The following RYR3 variants were observed in gnomAD, a reference collection of about 807,000 sequenced individuals.
The protein encoded by RYR3 is brain ryanodine receptor-calcium release channel.
RYR3 carries 207 observed loss-of-function variants against 584.3 expected under a neutral mutation model. The observed-to-expected ratio is 0.35, with a 90% CI of 0.32 to 0.40. RYR3 has a LOEUF of 0.40. Among genes scored for constraint, RYR3 ranks in the 10% least tolerant of loss-of-function variants. The pLI is 1.00. For synonymous variants in RYR3, 2,416 were observed against 2,248.5 expected, an observed-to-expected ratio of 1.07 and a Z score of -2.11; for missense variants, 5,616 against 6,089.2, an observed-to-expected ratio of 0.92 and a Z score of 2.59.
chr15:33,645,783 C>T (rs546531135), intron 28 of RYR3, among the ~76,000 whole-genome samples: 1 of 151,914 alleles, frequency 6.6e-6, no homozygotes, highest in South Asian at 2.1e-4. Flanking sequence ...CTGCCCCCTG[C>T]AATGCTTGTG....
At chr15:33,727,094 C>T (rs994611104) in intron 46 of RYR3, among the ~76,000 whole-genome samples, 6 of 152,224 alleles carry the variant, frequency 3.9e-5, no homozygotes, top group Non-Finnish European at 8.8e-5. Flanking sequence ...TCGTTTTCCC[C>T]TGGGTCCCCC....
At chr15:33,827,794 C>A (rs2077456930) in intron 85 of RYR3, among the ~76,000 whole-genome samples, 1 of 152,188 alleles carries the variant, frequency 6.6e-6, no homozygotes, top group South Asian at 2.1e-4. Context: ...CTGGTTCTGC[C>A]ACTTACTGGT....
At chr15:33,743,636 C>T (rs1320063454) in intron 52 of RYR3, among the ~76,000 whole-genome samples, 3 of 152,158 alleles carry the variant, frequency 2.0e-5, no homozygotes, top group Non-Finnish European at 4.4e-5. Context: ...TCCAGGAGCC[C>T]ACAGCATTAG....
Position 33,778,657 on chromosome 15 carries a change from A to G in RYR3, c.9138-1554A>G, listed in dbSNP as rs533113854. Among the ~76,000 whole-genome samples, 183 of 152,330 alleles carry G rather than the reference A, an allele frequency of 1.2e-3. 1 individual carries two copies. Among genetic ancestry groups the G allele is most frequent in the African/African-American group, 4.3e-3 (177 of 41,564 alleles). ...GCTGCATTGTGAAAGCTTCGCCAAT[A>G]TCACCTGCGTCTCAGCAGTCTCCGT... On this transcript the variant is annotated intron_variant, in intron 64 of 103. Coordinates refer to ENST00000634891, the MANE Select transcript of RYR3 (RefSeq NM_001036.6).
At chr15:33,378,899 A>G (rs1208808503) in intron 1 of RYR3, among the ~76,000 whole-genome samples, 1 of 152,152 alleles carries the variant, frequency 6.6e-6, no homozygotes, top group African/African-American at 2.4e-5. Context: ...CAGAAGTTCA[A>G]CGTTAATATG....
chr15:33,486,074 G>T (rs186240842), intron 2 of RYR3, among the ~76,000 whole-genome samples: 30 of 152,198 alleles, frequency 2.0e-4, no homozygotes, highest in Middle Eastern at 3.4e-3. Flanking sequence ...ACCATGAGAG[G>T]GTGTGACTGA....
chr15:33,627,441 G>A (rs745872620), intron 20 of RYR3, among the ~76,000 whole-genome samples: 4 of 152,158 alleles, frequency 2.6e-5, no homozygotes, highest in Non-Finnish European at 4.4e-5. Context: ...CTAAATGCAG[G>A]AGGATAAACG....
intron 47 of RYR3, among the ~76,000 whole-genome samples, chr15:33,729,538 A>T (rs940498515): frequency 6.6e-6 from 1 of 152,156 alleles, no homozygotes; most frequent in African/African-American, 2.4e-5. Context: ...ACCAGGATGG[A>T]TAGGTCTGAA....
chr15:33,483,733 G>T (rs2050172527), intron 2 of RYR3, among the ~76,000 whole-genome samples: 1 of 152,166 alleles, frequency 6.6e-6, no homozygotes, highest in Non-Finnish European at 1.5e-5. Flanking sequence ...TAGCTTATGA[G>T]TTGGCAAACA....
intron 16 of RYR3, among the ~76,000 whole-genome samples, chr15:33,587,348 A>G (rs1488301792): frequency 1.3e-5 from 2 of 152,212 alleles, no homozygotes; most frequent in Admixed American, 6.5e-5. Flanking sequence ...TGCAAATGTC[A>G]GAGAAGCCTT....
chr15:33,864,956 C>G, intron 103 of RYR3, 175 bp from the exon 104 acceptor site: 1 of 552,894 alleles, frequency 1.8e-6, no homozygotes, highest in East Asian at 2.9e-5. Context: ...AGAGACATGG[C>G]TTCTTGCTTC....
intron 2 of RYR3, among the ~76,000 whole-genome samples, chr15:33,499,939 G>A (rs976262600): frequency 2.4e-4 from 37 of 152,176 alleles, no homozygotes; most frequent in African/African-American, 8.0e-4. Context: ...TCGTGACCAC[G>A]GGGAGAAGAA....
intron 3 of RYR3, among the ~76,000 whole-genome samples, chr15:33,527,449 G>A (rs532093875): frequency 6.6e-6 from 1 of 152,056 alleles, no homozygotes; most frequent in African/African-American, 2.4e-5. Flanking sequence ...GTGTGGCAGT[G>A]CACACCAGTA....
chr15:33,820,749 A>T lies in RYR3; in HGVS notation c.10759-7A>T, dbSNP rs1031808573. 2.5e-6 allele frequency: 4 copies of T among 1,604,360 alleles called. No individual in the cohort carries two copies. Among genetic ancestry groups the T allele is most frequent in the Non-Finnish European group, 1.7e-6 (2 of 1,175,282 alleles). On this transcript the variant is annotated splice_polypyrimidine_tract_variant and splice_region_variant and intron_variant, in intron 77 of 103. Transcript: ENST00000634891. ...GTCTTCTCCCTTCCCTGCTCCATGA[A>T]ATCCAGAGTTGTCAAAGTGGTGAGG...
At chr15:33,439,896 AG>A (rs2046072405) in intron 1 of RYR3, among the ~76,000 whole-genome samples, 1 of 152,224 alleles carries the variant, frequency 6.6e-6, no homozygotes, top group African/African-American at 2.4e-5. Context: ...TATGGAAAAA[AG>A]TGCCTTTTTA....
intron 65 of RYR3, among the ~76,000 whole-genome samples, chr15:33,783,330 G>A (rs1236814822): frequency 6.6e-6 from 1 of 152,200 alleles, no homozygotes; most frequent in Non-Finnish European, 1.5e-5. Flanking sequence ...TGATTCTAAA[G>A]ATTCCCCCTA....
intron 52 of RYR3, 120 bp from the exon 53 acceptor site, chr15:33,745,948 T>C: frequency 1.4e-6 from 1 of 711,180 alleles, no homozygotes; most frequent in Non-Finnish European, 2.5e-6. Context: ...TGAGGAGAAT[T>C]TCTAAGCCCT....
intron 38 of RYR3, among the ~76,000 whole-genome samples, chr15:33,672,983 A>C (rs2063939104): frequency 6.6e-6 from 1 of 152,204 alleles, no homozygotes; most frequent in Non-Finnish European, 1.5e-5. Flanking sequence ...AAGGTACGTA[A>C]AGTGAGTAAA....
chr15:33,333,713 G>T (rs993259543), intron 1 of RYR3, among the ~76,000 whole-genome samples: 1 of 152,138 alleles, frequency 6.6e-6, no homozygotes, highest in African/African-American at 2.4e-5. Flanking sequence ...GCAAGAGAAA[G>T]AAATAAAGGG....
Sources: allele counts gnomAD v4.1 joint callset (sites outside exome capture counted in the v4.1 genomes callset), GRCh38; gene constraint gnomAD v4.1.1; transcripts MANE v1.5; gene names NCBI Gene and HGNC (gene_info 2026-07-23, HGNC 2026-07-21).